Variants in NRG1 observed in about 807,000 individuals in gnomAD.
NRG1 encodes pro-neuregulin-1, membrane-bound isoform.
NRG1 carries 18 observed loss-of-function variants against 63.8 expected under a neutral mutation model. The observed-to-expected ratio is 0.28, with a 90% CI of 0.19 to 0.42. The LOEUF is 0.42. Ranked by LOEUF, NRG1 falls within the 10% of genes least tolerant of loss-of-function variation. The probability of loss-of-function intolerance (pLI) is 1.00; values close to 1 mark genes in which losing one functional copy is unlikely to be tolerated. For synonymous variants in NRG1, 302 were observed against 301.3 expected (o/e 1.00, Z -0.02); for missense variants, 762 against 814.7 (o/e 0.94, Z 0.79).
At chr8:32,533,618 A>G (rs113542399) in intron 1 of NRG1, among the ~76,000 whole-genome samples, 4,185 of 152,202 alleles carry the variant, frequency 0.027, 72 homozygotes, top group African/African-American at 0.059. Flanking sequence ...CATGAAAAAG[A>G]GAAAACAAGT....
rs766613061 is a variant in NRG1, at chr8:32,648,036, G to T, written c.502+31151G>T. ...ATTTGTGGACAAGATCTTTGAATAT[G>T]ACTCTCCTACTCACCTTGACCCTGG... On this transcript the variant is annotated intron_variant, in intron 5 of 11. Transcript: ENST00000356819. 6.8e-6 allele frequency: 11 copies of T among 1,614,058 alleles called. 1 individual carries two copies. In the South Asian group the frequency reaches 1.1e-4, roughly 16 times the overall value.
At chr8:31,725,025 C>G (rs1350739318) in intron 1 of NRG1, among the ~76,000 whole-genome samples, 1 of 152,116 alleles carries the variant, frequency 6.6e-6, no homozygotes, top group African/African-American at 2.4e-5. Context: ...TTTATAGATA[C>G]AGAAATTTGA....
intron 5 of NRG1, among the ~76,000 whole-genome samples, chr8:32,718,348 TA>T (rs1819771754): frequency 6.6e-6 from 1 of 152,188 alleles, no homozygotes; most frequent in Non-Finnish European, 1.5e-5. Flanking sequence ...AAATATAAAG[TA>T]GTGTCATTTC....
chr8:32,532,992 ATGCCTTAG>A (rs1381949695), intron 1 of NRG1, among the ~76,000 whole-genome samples: 1 of 151,810 alleles, frequency 6.6e-6, no homozygotes, highest in Non-Finnish European at 1.5e-5. Context: ...GATATAACCT[ATGCCTTAG>A]ATTACTACAT....
At chr8:31,819,577 A>T (rs1030521200) in intron 1 of NRG1, among the ~76,000 whole-genome samples, 1 of 152,294 alleles carries the variant, frequency 6.6e-6, no homozygotes, top group East Asian at 1.9e-4. Flanking sequence ...CCCCCTACAC[A>T]GTTGTTAGGT....
intron 1 of NRG1, among the ~76,000 whole-genome samples, chr8:31,760,593 A>G (rs957022697): frequency 1.1e-4 from 16 of 152,114 alleles, no homozygotes; most frequent in African/African-American, 3.6e-4. Flanking sequence ...ATGAACTCAA[A>G]CAAATTTACA....
intron 5 of NRG1, among the ~76,000 whole-genome samples, chr8:32,624,099 A>T (rs188100947): frequency 6.6e-6 from 1 of 152,190 alleles, no homozygotes; most frequent in Non-Finnish European, 1.5e-5. Context: ...CATCCCATGG[A>T]TGAGGGACTT....
At chr8:31,740,752 A>C (rs1300206566) in intron 1 of NRG1, among the ~76,000 whole-genome samples, 1 of 152,048 alleles carries the variant, frequency 6.6e-6, no homozygotes, top group Non-Finnish European at 1.5e-5. Flanking sequence ...GAAGAGCAGT[A>C]GATGAGGGCA....
chr8:32,101,062 T>C (rs536601552), intron 1 of NRG1, among the ~76,000 whole-genome samples: 66 of 152,302 alleles, frequency 4.3e-4, no homozygotes, highest in African/African-American at 1.6e-3. Context: ...TTCCGGCATC[T>C]CATTTCTGAC....
intron 1 of NRG1, among the ~76,000 whole-genome samples, chr8:32,459,205 A>G (rs1194981066): frequency 1.1e-4 from 16 of 152,072 alleles, no homozygotes; most frequent in Middle Eastern, 3.4e-3. Context: ...CTCAATAAAC[A>G]CCACTGCTAT....
rs528409365 is a variant in NRG1, at chr8:32,134,522, G to A, written c.38-461306G>A. Reference sequence around the variant, plus strand: ...CCTATTCCTGCCAATTCTTACAGACGTTATTAAGGCATTCAGTTAGTTTTT... The same window carrying A: ...CCTATTCCTGCCAATTCTTACAGACATTATTAAGGCATTCAGTTAGTTTTT... On this transcript the variant is annotated intron_variant, in intron 1 of 10. Transcript: ENST00000519301. Among the ~76,000 whole-genome samples, 75 of 152,034 alleles carry A rather than the reference G, an allele frequency of 4.9e-4. No individual in the cohort carries two copies. The South Asian group carries it at 7.3e-3, about 15-fold the overall frequency.
intron 1 of NRG1, among the ~76,000 whole-genome samples, chr8:32,373,593 A>G (rs1386718447): frequency 1.3e-5 from 2 of 152,162 alleles, no homozygotes; most frequent in Non-Finnish European, 2.9e-5. Context: ...CCTGGCCAAC[A>G]TGGTGAAACC....
chr8:31,694,063 G>C (rs190652205), intron 1 of NRG1, among the ~76,000 whole-genome samples: 2 of 152,042 alleles, frequency 1.3e-5, no homozygotes, highest in Non-Finnish European at 2.9e-5. Context: ...GGCTGGTCTC[G>C]AACTCCTGAG....
chr8:32,213,745 C>T (rs1033101976), intron 1 of NRG1, among the ~76,000 whole-genome samples: 11 of 151,998 alleles, frequency 7.2e-5, no homozygotes, highest in African/African-American at 2.7e-4. Context: ...TCCTACCACC[C>T]TCCTCCTTTC....
intron 1 of NRG1, among the ~76,000 whole-genome samples, chr8:31,847,710 A>G (rs371476886): frequency 4.6e-4 from 70 of 152,368 alleles, no homozygotes; most frequent in African/African-American, 1.6e-3. Context: ...TGTGAAATCC[A>G]TTAACATGTG....
chr8:32,474,552 G>T (rs1026248934), intron 1 of NRG1, among the ~76,000 whole-genome samples: 3 of 150,808 alleles, frequency 2.0e-5, no homozygotes, highest in Non-Finnish European at 4.4e-5. Flanking sequence ...GAGGGCAGTG[G>T]CACCATCTTG....
Position 32,393,833 on chromosome 8 carries a change from G to A in NRG1, c.38-201995G>A, listed in dbSNP as rs568834271. Among the ~76,000 whole-genome samples the A allele has an allele frequency of 5.3e-5, 8 of 152,196 alleles. No homozygotes were observed. The East Asian group carries it at 1.5e-3, about 29-fold the overall frequency. ...GTGGTCTGTACAACAAACCCCCATG[G>A]CACAAGTTTACCTATATAACAAACC... On this transcript the variant is annotated intron_variant, in intron 1 of 10. Transcript: ENST00000519301.
chr8:32,236,202 T>A (rs1480017449), intron 1 of NRG1, among the ~76,000 whole-genome samples: 1 of 151,932 alleles, frequency 6.6e-6, no homozygotes, highest in Non-Finnish European at 1.5e-5. Flanking sequence ...ACATCGTTTT[T>A]TGGAATGAAA....
chr8:31,855,623 A>C (rs1248082666), intron 1 of NRG1, among the ~76,000 whole-genome samples: 1 of 152,056 alleles, frequency 6.6e-6, no homozygotes, highest in Non-Finnish European at 1.5e-5. Context: ...TTTAAAGTTA[A>C]TATTGTTATG....
Sources: allele counts gnomAD v4.1 joint callset (sites outside exome capture counted in the v4.1 genomes callset), GRCh38; gene constraint gnomAD v4.1.1; transcripts MANE v1.5; gene names NCBI Gene and HGNC (gene_info 2026-07-23, HGNC 2026-07-21).